DICER1: variants seen among roughly 807,000 people sequenced by gnomAD.
DICER1 encodes the protein dicer 1, ribonuclease III.
A neutral mutation model predicts 194.1 loss-of-function variants in DICER1; 43 were observed. The ratio of observed to expected loss-of-function variants is 0.22; its 90% CI spans 0.17 to 0.29. The LOEUF (loss-of-function observed/expected upper bound fraction) is 0.29. DICER1 is among the 10% of genes least tolerant of loss of function. The probability of loss-of-function intolerance (pLI) is 1.00; values close to 1 mark genes in which losing one functional copy is unlikely to be tolerated. For missense variants in DICER1, 1,608 were observed against 2,317.0 expected, an observed-to-expected ratio of 0.69 and a Z score of 6.28; for synonymous variants, 832 against 820.5, an observed-to-expected ratio of 1.01 and a Z score of -0.24.
intron 8 of DICER1, among the ~76,000 whole-genome samples, chr14:95,123,136 T>TA (rs1435296126): frequency 3.3e-5 from 5 of 151,892 alleles, no homozygotes; most frequent in African/African-American, 7.3e-5. Context: ...CAGAAAAAAA[T>TA]AAGAGTATCT....
At chr14:95,122,871 T>A (rs1481278575) in intron 8 of DICER1, among the ~76,000 whole-genome samples, 4 of 151,948 alleles carry the variant, frequency 2.6e-5, no homozygotes, top group African/African-American at 9.7e-5. Flanking sequence ...TTCTCGTTAC[T>A]CAAAAAAGTT....
chr14:95,132,711 C>A (rs767768166), intron 2 of DICER1, 34 bp from the exon 3 acceptor site: 10 of 1,599,544 alleles, frequency 6.3e-6, no homozygotes, highest in Non-Finnish European at 8.6e-6. Context: ...TTATGCACTT[C>A]TTACCTAAGT....
Position 95,094,067 on chromosome 14 carries a change from G to A in DICER1, c.5185C>T (p.Pro1729Ser). 6.2e-7 allele frequency: 1 copy of A among 1,614,070 alleles called. No individual in the cohort carries two copies. The highest frequency in any genetic ancestry group is 8.5e-7 in the Non-Finnish European group (1 of 1,180,002). ...GACCGCAGGTCTGTCAGGACCCCCG[G>A]GGAGTGCTGCCGCGGGTCTTCATAA... is the stretch of plus-strand genomic sequence containing the variant. Reference protein sequence around the residue: ...HLYEDPRQHSPGVLTDLRSAL... With the variant: ...HLYEDPRQHSSGVLTDLRSAL... Residue 1729 changes from proline to serine, a missense_variant, in exon 24 of 27, where the codon CCG (proline) becomes TCG (serine). Coordinates refer to ENST00000343455, the MANE Select transcript of DICER1 (RefSeq NM_177438.3).
At chr14:95,092,663 A>AC in intron 24 of DICER1, among the ~76,000 whole-genome samples, 1 of 152,228 alleles carries the variant, frequency 6.6e-6, no homozygotes, top group Non-Finnish European at 1.5e-5. Context: ...GAAATGCCAG[A>AC]CCATGACATT....
In DICER1 at chr14:95,116,708, A is replaced by T. The variant is rs2140127319; in HGVS notation, c.1510-13T>A. 1 of 1,613,006 alleles carries T rather than the reference A, an allele frequency of 6.2e-7. No individual in the cohort carries two copies. Among genetic ancestry groups the T allele is most frequent in the Non-Finnish European group, 8.5e-7 (1 of 1,179,370 alleles). On this transcript the variant is annotated splice_polypyrimidine_tract_variant and intron_variant, in intron 9 of 26. Coordinates refer to ENST00000343455, the MANE Select transcript of DICER1 (RefSeq NM_177438.3). Reference sequence around the variant, plus strand: ...ATTTCCTAAGTACCTGAAAAAAAAAATCCACCAAGAAAAGCACTTCTAAGA... The same window carrying T: ...ATTTCCTAAGTACCTGAAAAAAAAATTCCACCAAGAAAAGCACTTCTAAGA...
rs1889588955 is a variant in DICER1, at chr14:95,089,304, C to T, written c.*1194G>A. 5 of 231,522 alleles carry T rather than the reference C, an allele frequency of 2.2e-5. No individual in the cohort carries two copies. Among genetic ancestry groups the T allele is most frequent in the Non-Finnish European group, 4.3e-5 (5 of 117,592 alleles). 14.3% of individuals were successfully genotyped at this position (231,522 alleles called of 1,614,324 possible). A position where few individuals can be genotyped will look rare whatever the true frequency, so the allele number is the denominator to read the frequency against. Reference sequence around the variant, plus strand: ...CAAAATTACGGCAGTTTATCGCAAACGTTAAACTTTCACGGCATTAACAGC... The same window carrying T: ...CAAAATTACGGCAGTTTATCGCAAATGTTAAACTTTCACGGCATTAACAGC... On this transcript the variant is annotated 3_prime_UTR_variant, in exon 27 of 27. Transcript: ENST00000343455.
chr14:95,092,848 G>A (rs1889964698), intron 24 of DICER1, among the ~76,000 whole-genome samples: 1 of 152,312 alleles, frequency 6.6e-6, no homozygotes, highest in African/African-American at 2.4e-5. Context: ...ATGAGACTAG[G>A]TAACACTTGG....
intron 8 of DICER1, among the ~76,000 whole-genome samples, chr14:95,118,691 TA>T (rs1454300291): frequency 6.6e-6 from 1 of 152,154 alleles, no homozygotes; most frequent in Non-Finnish European, 1.5e-5. Flanking sequence ...GCACACGGGA[TA>T]AATGGTTCCA....
intron 14 of DICER1, among the ~76,000 whole-genome samples, chr14:95,108,754 A>C (rs779625232): frequency 6.6e-6 from 1 of 152,196 alleles, no homozygotes; most frequent in Non-Finnish European, 1.5e-5. Context: ...AGCTAATACC[A>C]AAATTATACA....
At position 95,090,265 on chromosome 14, in the gene DICER1, G is replaced by A. The variant is rs1206166531; in HGVS notation, c.*233C>T. On this transcript the variant is annotated 3_prime_UTR_variant, in exon 27 of 27. Coordinates refer to ENST00000343455, the MANE Select transcript of DICER1 (RefSeq NM_177438.3). Reference sequence around the variant, plus strand: ...GTGATTTAAACAAAGCAGAAGTGAGGAAAGAAGATAAGATTGTGTTTGCGC... The same window carrying A: ...GTGATTTAAACAAAGCAGAAGTGAGAAAAGAAGATAAGATTGTGTTTGCGC... 6 of 564,286 alleles carry A rather than the reference G, an allele frequency of 1.1e-5. No homozygotes were observed. Among genetic ancestry groups the A allele is most frequent in the Non-Finnish European group, 1.9e-5 (6 of 318,278 alleles). The allele number at this position is 564,286 out of a possible 1,614,324, so 35.0% of individuals were successfully genotyped here. A position where few individuals can be genotyped will look rare whatever the true frequency, so the allele number is the denominator to read the frequency against.
At chr14:95,090,832 C>A in intron 26 of DICER1, 169 bp from the exon 27 acceptor site, 1 of 972,616 alleles carries the variant, frequency 1.0e-6, no homozygotes, top group South Asian at 1.4e-5. Context: ...ACAGACAGGG[C>A]TGCCGTCTAG....
At chr14:95,134,134 C>T (rs866187408) in intron 1 of DICER1, among the ~76,000 whole-genome samples, 8 of 152,264 alleles carry the variant, frequency 5.3e-5, no homozygotes, top group African/African-American at 9.6e-5. Flanking sequence ...CAACAGCTCA[C>T]GAACACAGGC....
intron 22 of DICER1, among the ~76,000 whole-genome samples, chr14:95,098,764 AC>A (rs1246873262): frequency 6.6e-6 from 1 of 152,186 alleles, no homozygotes; most frequent in Non-Finnish European, 1.5e-5. Context: ...AATTGTTCGG[AC>A]CTAACTTGCA....
In DICER1 at chr14:95,126,688, C is replaced by T. The variant is rs1262083504; in HGVS notation, c.795G>A (p.Gly265=). The T allele has an allele frequency of 6.2e-7, 1 of 1,606,560 alleles. No individual in the cohort carries two copies. The highest frequency in any genetic ancestry group is 8.5e-7 in the Non-Finnish European group (1 of 1,173,502). ...VDCGPFTDRS[G]LYERLLMELE... The stretch of plus-strand genomic sequence containing the variant: ...ATTCCATCAGCAGTCTTTCATAAAG[C>T]CCACTTCTGTCAGTAAATGGTCCAC... The change falls in exon 7 of 27, where the codon GGG becomes GGA. Residue 265 remains glycine (G), a synonymous_variant. Transcript: ENST00000343455.
At chr14:95,099,239 A>G (rs560866976) in intron 22 of DICER1, among the ~76,000 whole-genome samples, 1 of 152,240 alleles carries the variant, frequency 6.6e-6, no homozygotes, top group Non-Finnish European at 1.5e-5. Context: ...TGATATTTGG[A>G]GTCTTCTTAA....
chr14:95,138,342 G>T, intron 1 of DICER1, among the ~76,000 whole-genome samples: 1 of 150,040 alleles, frequency 6.7e-6, no homozygotes, highest in East Asian at 1.9e-4. Flanking sequence ...AAAAAACAGA[G>T]AAATGAAAGG....
chr14:95,126,060 G>T (rs185859175), intron 7 of DICER1, among the ~76,000 whole-genome samples: 3 of 142,904 alleles, frequency 2.1e-5, no homozygotes, highest in East Asian at 4.1e-4. Flanking sequence ...TTACTGGAGG[G>T]CTTATCGAAA....
At position 95,091,370 on chromosome 14, in the gene DICER1, TAC is replaced by T. The variant is rs767777044; in HGVS notation, c.5365-7_5365-6del. ...ATCCTCCTCAGATCTCCTAAGCTAT[TAC>T]AGAGGGAAAAGTGACTTGTAAGCAA... On this transcript the variant is annotated splice_polypyrimidine_tract_variant and splice_region_variant and intron_variant, in intron 24 of 26. Transcript: ENST00000343455. The T allele has an allele frequency of 2.9e-5, 47 of 1,613,892 alleles. No individual in the cohort carries two copies. The highest frequency in any genetic ancestry group is 3.8e-5 in the Non-Finnish European group (45 of 1,179,976).
intron 8 of DICER1, among the ~76,000 whole-genome samples, chr14:95,122,907 C>G (rs1365045900): frequency 6.6e-6 from 1 of 151,394 alleles, no homozygotes; most frequent in Non-Finnish European, 1.5e-5. Context: ...CATTCAGAAG[C>G]AGTTAAGCGC....
Sources: allele counts gnomAD v4.1 joint callset (sites outside exome capture counted in the v4.1 genomes callset), GRCh38; gene constraint gnomAD v4.1.1; transcripts MANE v1.5; gene names NCBI Gene and HGNC (gene_info 2026-07-23, HGNC 2026-07-21).